Variants in FIGN observed in about 807,000 individuals in gnomAD.
The protein encoded by FIGN is fidgetin.
A neutral mutation model predicts 51.3 loss-of-function variants in FIGN; 11 were observed. The ratio of observed to expected loss-of-function variants is 0.21; its 90% CI spans 0.13 to 0.35. FIGN has a LOEUF of 0.35. FIGN is among the 10% of genes least tolerant of loss of function. The probability of loss-of-function intolerance (pLI) is 1.00; values close to 1 mark genes in which losing one functional copy is unlikely to be tolerated. For missense variants in FIGN, 857 were observed against 943.6 expected (o/e 0.91, Z 1.20); for synonymous variants, 407 against 363.2 (o/e 1.12, Z -1.37).
intron 2 of FIGN, among the ~76,000 whole-genome samples, chr2:163,623,166 A>C (rs1333640586): frequency 1.3e-5 from 2 of 151,824 alleles, no homozygotes; most frequent in African/African-American, 4.8e-5. Context: ...GACAGAAGAA[A>C]GATTTTTAAA....
intron 2 of FIGN, among the ~76,000 whole-genome samples, chr2:163,682,311 A>G (rs1192174402): frequency 1.3e-5 from 2 of 152,210 alleles, no homozygotes; most frequent in African/African-American, 4.8e-5. Context: ...TTGGGATATG[A>G]TATTTGATTC....
At position 163,611,687 on chromosome 2, in the gene FIGN, T is replaced by C. The variant is rs777998583; in HGVS notation, c.145A>G (p.Thr49Ala). 2.5e-5 allele frequency: 41 copies of C among 1,614,062 alleles called. No individual in the cohort carries two copies. The highest frequency in any genetic ancestry group is 3.1e-5 in the Non-Finnish European group (36 of 1,180,020). ...TCATTCGCCCAGGCGTACTGATAGG[T>C]GCGCTGCAGATGACCTCTGTAGGCT... is the stretch of plus-strand genomic sequence containing the variant. ...VEAYRGHLQR[T>A]YQYAWANDDI... Residue 49 changes from threonine (T) to alanine (A), a missense_variant, in exon 3 of 3, where the codon ACC becomes GCC. Thr to Ala is a moderately conservative substitution (Grantham distance 58). Coordinates refer to ENST00000333129, the MANE Select transcript of FIGN (RefSeq NM_018086.4).
intron 2 of FIGN, among the ~76,000 whole-genome samples, chr2:163,613,377 A>G (rs1682805283): frequency 6.6e-6 from 1 of 152,112 alleles, no homozygotes; most frequent in African/African-American, 2.4e-5. Context: ...CTGTGGCATC[A>G]ACCCCCTTCT....
At chr2:163,626,061 G>A (rs1683049419) in intron 2 of FIGN, among the ~76,000 whole-genome samples, 1 of 152,080 alleles carries the variant, frequency 6.6e-6, no homozygotes, top group Admixed American at 6.6e-5. Context: ...CCTAATTGAA[G>A]CCAATAAGCC....
At chr2:163,644,289 T>C (rs949875095) in intron 2 of FIGN, among the ~76,000 whole-genome samples, 1 of 152,126 alleles carries the variant, frequency 6.6e-6, no homozygotes, top group Non-Finnish European at 1.5e-5. Context: ...TAGACATTTC[T>C]CCAAGGAAGA....
rs540968737 is a variant in FIGN at position 163,709,110 on chromosome 2, A to C, written c.25+25793T>G. On this transcript the variant is annotated intron_variant, in intron 2 of 2. Transcript: ENST00000333129. ...TGAGGACTCAGATGGCTTCCTTAGA[A>C]AGCCAAGTTTCCACGTGCATCACAT... Among the ~76,000 whole-genome samples the C allele has an allele frequency of 1.6e-4, 24 of 152,244 alleles. 1 individual carries two copies. The highest frequency in any genetic ancestry group is 5.1e-4 in the African/African-American group (21 of 41,566).
At chr2:163,638,405 A>T (rs760800536) in intron 2 of FIGN, among the ~76,000 whole-genome samples, 1 of 152,126 alleles carries the variant, frequency 6.6e-6, no homozygotes. Context: ...TACATTTAAA[A>T]CTTGAAGCTC....
intron 2 of FIGN, among the ~76,000 whole-genome samples, chr2:163,632,716 AG>A (rs1683166287): frequency 1.3e-5 from 2 of 152,204 alleles, no homozygotes; most frequent in African/African-American, 4.8e-5. Context: ...TGCCAGAAGG[AG>A]TTCCTCTTTG....
chr2:163,728,550 G>T (rs575337176), intron 2 of FIGN, among the ~76,000 whole-genome samples: 1 of 152,214 alleles, frequency 6.6e-6, no homozygotes, highest in South Asian at 2.1e-4. Flanking sequence ...TTCAGATATA[G>T]AAAGAGCAGG....
intron 2 of FIGN, among the ~76,000 whole-genome samples, chr2:163,645,355 C>T (rs1181484626): frequency 6.6e-6 from 1 of 152,108 alleles, no homozygotes. Flanking sequence ...AAAAACCTCA[C>T]CTTTGGGTAG....
intron 2 of FIGN, among the ~76,000 whole-genome samples, chr2:163,710,060 A>T (rs1684563573): frequency 6.6e-6 from 1 of 152,194 alleles, no homozygotes; most frequent in Non-Finnish European, 1.5e-5. Context: ...AATATTTATA[A>T]AATCTCTCCT....
intron 2 of FIGN, among the ~76,000 whole-genome samples, chr2:163,680,324 A>C (rs1380729571): frequency 2.0e-5 from 3 of 152,142 alleles, no homozygotes; most frequent in African/African-American, 7.2e-5. Flanking sequence ...CTTCTGGAAT[A>C]CATCCCCTTT....
intron 2 of FIGN, among the ~76,000 whole-genome samples, chr2:163,728,444 C>T (rs1424949581): frequency 6.7e-6 from 1 of 148,978 alleles, no homozygotes; most frequent in Non-Finnish European, 1.5e-5. Flanking sequence ...ACACAAAGTT[C>T]CTTTTAAGAA....
At chr2:163,630,134 T>A (rs1166972209) in intron 2 of FIGN, among the ~76,000 whole-genome samples, 4 of 151,296 alleles carry the variant, frequency 2.6e-5, no homozygotes, top group Admixed American at 2.0e-4. Context: ...CCTAGCAAAC[T>A]TTTTTATTTT....
chr2:163,686,726 C>A (rs1444259115), intron 2 of FIGN, among the ~76,000 whole-genome samples: 2 of 151,482 alleles, frequency 1.3e-5, no homozygotes, highest in African/African-American at 2.4e-5. Flanking sequence ...GCTATTTTCC[C>A]AAATCATATA....
At chr2:163,723,011 C>T (rs1232668403) in intron 2 of FIGN, among the ~76,000 whole-genome samples, 2 of 151,568 alleles carry the variant, frequency 1.3e-5, no homozygotes, top group African/African-American at 4.8e-5. Context: ...ACGGTGAAAC[C>T]CTGTCTCTCC....
At position 163,609,954 on chromosome 2, in the gene FIGN, T is replaced by G. The variant is rs1424006886; in HGVS notation, c.1878A>C (p.Val626=). ...VLTSAEDQIV[V]ICATSKPEEI... ...CTTCTGGTTTACTGGTGGCACAAATTACTACGATTTGGTCCTCAGCCGAAG... is the reference window on the plus strand; with the variant it reads ...CTTCTGGTTTACTGGTGGCACAAATGACTACGATTTGGTCCTCAGCCGAAG... Residue 626 remains valine (V), a synonymous_variant, in exon 3 of 3, where the codon GTA becomes GTC. Coordinates refer to ENST00000333129, the MANE Select transcript of FIGN (RefSeq NM_018086.4). 1 of 1,613,962 alleles carries G rather than the reference T, an allele frequency of 6.2e-7. No individual in the cohort carries two copies. The highest frequency in any genetic ancestry group is 1.7e-5 in the Admixed American group (1 of 60,026).
intron 2 of FIGN, among the ~76,000 whole-genome samples, chr2:163,679,123 G>C (rs1478309676): frequency 6.6e-6 from 1 of 152,056 alleles, no homozygotes; most frequent in Non-Finnish European, 1.5e-5. Flanking sequence ...TAAATATTAA[G>C]TATCTCTGAT....
chr2:163,611,178 C>A lies in FIGN; in HGVS notation c.654G>T (p.Gly218=). 1 of 1,614,032 alleles carries A rather than the reference C, an allele frequency of 6.2e-7. No individual in the cohort carries two copies. Among genetic ancestry groups the A allele is most frequent in the Non-Finnish European group, 8.5e-7 (1 of 1,179,996 alleles). The part of the protein sequence containing the change: ...SPHPSPLHSS[G]LLQPPPPPPP... ...GAGGTGGTGGTGGGGGCTGTAGTAG[C>A]CCAGAGCTATGCAAAGGAGACGGAT... The change falls in exon 3 of 3, where the codon GGG becomes GGT. Residue 218 remains glycine (G), a synonymous_variant. Coordinates refer to ENST00000333129, the MANE Select transcript of FIGN (RefSeq NM_018086.4).
Sources: allele counts gnomAD v4.1 joint callset (sites outside exome capture counted in the v4.1 genomes callset), GRCh38; gene constraint gnomAD v4.1.1; transcripts MANE v1.5; gene names NCBI Gene and HGNC (gene_info 2026-07-23, HGNC 2026-07-21).